The following CHD7 variants were observed in gnomAD, a reference collection of about 807,000 sequenced individuals.
CHD7 encodes the protein ATP-dependent chromatin remodeler CHD7.
In CHD7, 24 loss-of-function variants were observed where a neutral mutation model predicts 307.3. The observed-to-expected ratio is 0.08, with a 90% CI of 0.06 to 0.11. CHD7 has a LOEUF of 0.11. CHD7 is among the 10% of genes least tolerant of loss of function. The pLI, the probability that CHD7 is intolerant of heterozygous loss-of-function variation, is 1.00. For missense variants in CHD7, 3,106 were observed against 3,727.1 expected, an observed-to-expected ratio of 0.83 and a Z score of 4.34; for synonymous variants, 1,363 against 1,349.9, an observed-to-expected ratio of 1.01 and a Z score of -0.21.
intron 3 of CHD7, among the ~76,000 whole-genome samples, chr8:60,784,957 C>T (rs1400143240): frequency 6.6e-6 from 1 of 152,102 alleles, no homozygotes; most frequent in Non-Finnish European, 1.5e-5. Context: ...GTGTTCTCCC[C>T]AGTTGTCCTT....
At chr8:60,828,897 A>G in intron 14 of CHD7, 91 bp downstream of exon 14, 4 of 1,222,310 alleles carry the variant, frequency 3.3e-6, no homozygotes, top group Non-Finnish European at 4.6e-6. Flanking sequence ...AAGTGTGATT[A>G]TATTACAGTT....
At chr8:60,751,111 T>G (rs1178360190) in intron 2 of CHD7, among the ~76,000 whole-genome samples, 1 of 152,210 alleles carries the variant, frequency 6.6e-6, no homozygotes, top group Admixed American at 6.5e-5. Flanking sequence ...CGTGTTTGTC[T>G]GAAAGGTGGA....
chr8:60,819,976 C>T, intron 8 of CHD7, 31 bp from the exon 9 acceptor site: 1 of 1,422,848 alleles, frequency 7.0e-7, no homozygotes, highest in South Asian at 1.2e-5. Context: ...AATAAGTAAA[C>T]CTTTAACTTT....
intron 3 of CHD7, among the ~76,000 whole-genome samples, chr8:60,791,890 C>T (rs1484182502): frequency 2.6e-5 from 4 of 152,202 alleles, no homozygotes; most frequent in Non-Finnish European, 5.9e-5. Context: ...AAGTCATCCT[C>T]AGTGAAGGGG....
rs1563638206 is a variant in CHD7, at chr8:60,830,433, A to C, written c.3634A>C (p.Asn1212His). 3 of 1,613,924 alleles carry C rather than the reference A, an allele frequency of 1.9e-6. No individual in the cohort carries two copies. Residue 1212 changes from asparagine to histidine, a missense_variant, in exon 15 of 38, where the codon AAC becomes CAC. Asn to His is a moderately conservative substitution (Grantham distance 68, BLOSUM62 1). This residue lies in a region of CHD7 where 232 missense variants were observed against 422.5 expected (regional missense o/e 0.55). Transcript: ENST00000423902. ...EETIIEVELT[N>H]IQKKYYRAIL... ...AACTATTATTGAAGTTGAGCTAACA[A>C]ACATTCAGAAGAAATATTACCGAGC...
chr8:60,704,664 G>T (rs1326531219), intron 1 of CHD7, among the ~76,000 whole-genome samples: 1 of 151,386 alleles, frequency 6.6e-6, no homozygotes, highest in Non-Finnish European at 1.5e-5. Flanking sequence ...AAGTGGGTGG[G>T]TCTGAGAAAG....
At chr8:60,753,907 G>A (rs1809764447) in intron 2 of CHD7, among the ~76,000 whole-genome samples, 1 of 152,058 alleles carries the variant, frequency 6.6e-6, no homozygotes, top group African/African-American at 2.4e-5. Flanking sequence ...TTACAGGTGT[G>A]AGCCACCGCG....
At chr8:60,731,087 G>A (rs1046041345) in intron 1 of CHD7, among the ~76,000 whole-genome samples, 3 of 152,142 alleles carry the variant, frequency 2.0e-5, no homozygotes, top group African/African-American at 4.8e-5. Flanking sequence ...CAGTGTCAAC[G>A]TGCTTGTGTT....
chr8:60,763,155 A>T (rs1472001296), intron 2 of CHD7, among the ~76,000 whole-genome samples: 1 of 152,230 alleles, frequency 6.6e-6, no homozygotes, highest in Admixed American at 6.5e-5. Flanking sequence ...AAAAAGAAAC[A>T]AGCAAAATTA....
At chr8:60,710,964 A>AT (rs1007707659) in intron 1 of CHD7, among the ~76,000 whole-genome samples, 4 of 152,294 alleles carry the variant, frequency 2.6e-5, no homozygotes, top group African/African-American at 7.2e-5. Flanking sequence ...AATAAAACAT[A>AT]TTTTTTTAAA....
intron 2 of CHD7, among the ~76,000 whole-genome samples, chr8:60,754,049 A>G (rs1350477447): frequency 6.6e-6 from 1 of 152,204 alleles, no homozygotes; most frequent in African/African-American, 2.4e-5. Flanking sequence ...GACAAGTGTC[A>G]GTTTATTTCT....
At chr8:60,700,127 C>T (rs1477979969) in intron 1 of CHD7, among the ~76,000 whole-genome samples, 2 of 152,118 alleles carry the variant, frequency 1.3e-5, no homozygotes, top group Non-Finnish European at 2.9e-5. Context: ...TGTGAGCCAC[C>T]GTGCCTGGCA....
chr8:60,718,564 TAAAG>T (rs1443678967), intron 1 of CHD7, among the ~76,000 whole-genome samples: 2 of 152,156 alleles, frequency 1.3e-5, no homozygotes, highest in East Asian at 1.9e-4. Flanking sequence ...AATAAAGATA[TAAAG>T]AAAGAAAATA....
intron 1 of CHD7, among the ~76,000 whole-genome samples, chr8:60,734,582 C>T (rs1808611910): frequency 6.6e-6 from 1 of 152,098 alleles, no homozygotes; most frequent in Non-Finnish European, 1.5e-5. Context: ...AAAAAGAGGC[C>T]AGCCTCTACA....
At chr8:60,725,334 C>T (rs1429631208) in intron 1 of CHD7, among the ~76,000 whole-genome samples, 1 of 152,210 alleles carries the variant, frequency 6.6e-6, no homozygotes, top group Non-Finnish European at 1.5e-5. Flanking sequence ...GTGGTTTCTT[C>T]ATGAGAGATC....
rs1804270691 is a variant in CHD7 at position 60,826,768 on chromosome 8, G to T, written c.3379-1895G>T. On this transcript the variant is annotated intron_variant, in intron 13 of 37. Coordinates refer to ENST00000423902, the MANE Select transcript of CHD7 (RefSeq NM_017780.4). ...CGTTGTCCCCCATCCACGAGGAGGG[G>T]ATGCTGTGGAGATCATGGTAGTTCT... Among the ~76,000 whole-genome samples the T allele has an allele frequency of 2.0e-5, 3 of 152,224 alleles. No homozygotes were observed. The South Asian group carries it at 6.2e-4, about 32-fold the overall frequency.
intron 3 of CHD7, among the ~76,000 whole-genome samples, chr8:60,791,556 T>A (rs766526289): frequency 6.6e-6 from 1 of 152,232 alleles, no homozygotes; most frequent in Non-Finnish European, 1.5e-5. Flanking sequence ...GGAAGAGGAA[T>A]ATATGTCTGT....
Position 60,866,936 on chromosome 8 carries a change from T to G in CHD7, c.*1003T>G, listed in dbSNP as rs1291404120. On this transcript the variant is annotated 3_prime_UTR_variant, in exon 38 of 38. Coordinates refer to ENST00000423902, the MANE Select transcript of CHD7 (RefSeq NM_017780.4). ...AGAATGTAGTATATAGGGAAACTGG[T>G]GTTCACTCTATTTTTTTTGTATTCG... is the stretch of plus-strand genomic sequence containing the variant. 6.6e-6 allele frequency: 1 copy of G among 152,430 alleles called. No individual in the cohort carries two copies. Among genetic ancestry groups the G allele is most frequent in the Non-Finnish European group, 1.5e-5 (1 of 68,020 alleles). 9.4% of individuals were successfully genotyped at this position (152,430 alleles called of 1,614,324 possible).
chr8:60,791,484 T>G (rs1393166445), intron 3 of CHD7, among the ~76,000 whole-genome samples: 1 of 152,242 alleles, frequency 6.6e-6, no homozygotes, highest in South Asian at 2.1e-4. Context: ...CTTAAAGACA[T>G]TCTCATCCCC....
Sources: gnomAD v4.1 joint callset for allele counts (sites outside exome capture counted in the v4.1 genomes callset) on GRCh38, gnomAD v4.1.1 for gene constraint, gnomAD v4.1.1 regional missense constraint, MANE v1.5 for transcripts, NCBI Gene and HGNC (gene_info 2026-07-23, HGNC 2026-07-21) for gene names.